The following MTHFD1L variants were observed in gnomAD, a reference collection of about 807,000 sequenced individuals.
MTHFD1L encodes the protein monofunctional C1-tetrahydrofolate synthase, mitochondrial.
In MTHFD1L, 81 loss-of-function variants were observed where a neutral mutation model predicts 119.5. The observed-to-expected ratio is 0.68, with a 90% confidence interval of 0.57 to 0.82. The LOEUF is 0.82. Among genes scored for constraint, MTHFD1L ranks in the 40% least tolerant of loss-of-function variants. The pLI, the probability that MTHFD1L is intolerant of heterozygous loss-of-function variation, is 0.00. For missense variants in MTHFD1L, 1,125 were observed against 1,253.4 expected (o/e 0.90, Z 1.55); for synonymous variants, 430 against 475.2 (o/e 0.90, Z 1.24).
intron 24 of MTHFD1L, among the ~76,000 whole-genome samples, chr6:151,020,807 G>C (rs1234761274): frequency 6.6e-6 from 1 of 151,960 alleles, no homozygotes; most frequent in Non-Finnish European, 1.5e-5. Flanking sequence ...TATCTTTATC[G>C]TTCACTAAGA....
intron 24 of MTHFD1L, among the ~76,000 whole-genome samples, chr6:151,027,382 C>T (rs1252798723): frequency 6.6e-6 from 1 of 152,114 alleles, no homozygotes; most frequent in Non-Finnish European, 1.5e-5. Context: ...AAAGGACTTG[C>T]CATAGGTGGT....
chr6:150,961,089 C>CTTTTTT (rs35978918), intron 18 of MTHFD1L, among the ~76,000 whole-genome samples: 6 of 113,404 alleles, frequency 5.3e-5, no homozygotes, highest in Non-Finnish European at 5.4e-5. Context: ...TTCCTGTTAA[C>CTTTTTT]TTTTTTTTTT....
At chr6:151,065,953 G>A (rs1384142573) in intron 26 of MTHFD1L, among the ~76,000 whole-genome samples, 2 of 152,218 alleles carry the variant, frequency 1.3e-5, no homozygotes, top group African/African-American at 4.8e-5. Context: ...AATTGCAGGT[G>A]TATGTTGGAG....
At chr6:150,928,263 G>A (rs1305037547) in intron 11 of MTHFD1L, among the ~76,000 whole-genome samples, 4 of 151,556 alleles carry the variant, frequency 2.6e-5, no homozygotes, top group South Asian at 4.2e-4. Flanking sequence ...GTGAAACCCC[G>A]TCTCTACTAA....
intron 4 of MTHFD1L, among the ~76,000 whole-genome samples, chr6:150,881,047 C>T (rs1286542193): frequency 6.6e-6 from 1 of 152,090 alleles, no homozygotes; most frequent in Non-Finnish European, 1.5e-5. Context: ...GTTGTCTCTG[C>T]TTTGTTGATT....
intron 20 of MTHFD1L, among the ~76,000 whole-genome samples, chr6:151,003,939 G>C (rs568115765): frequency 1.3e-5 from 2 of 150,524 alleles, no homozygotes; most frequent in East Asian, 3.9e-4. Context: ...TTCCCACATA[G>C]CTGTAGGGTT....
intron 1 of MTHFD1L, chr6:150,866,562 C>A: frequency 8.1e-7 from 1 of 1,232,456 alleles, no homozygotes; most frequent in Non-Finnish European, 1.0e-6. Context: ...GTGTTGTGCG[C>A]CCTTCCCCGC....
chr6:150,927,549 C>T (rs923051001), intron 11 of MTHFD1L, among the ~76,000 whole-genome samples: 3 of 151,132 alleles, frequency 2.0e-5, no homozygotes, highest in Non-Finnish European at 2.9e-5. Flanking sequence ...CTCTGCCTCC[C>T]GGGTTCAAGC....
chr6:150,950,093 G>T (rs892319866), intron 16 of MTHFD1L, among the ~76,000 whole-genome samples: 2 of 152,098 alleles, frequency 1.3e-5, no homozygotes, highest in African/African-American at 4.8e-5. Context: ...TCTTGCTTCC[G>T]TTTCCATCCC....
intron 26 of MTHFD1L, among the ~76,000 whole-genome samples, chr6:151,059,067 T>C (rs1790331556): frequency 6.6e-6 from 1 of 152,108 alleles, no homozygotes; most frequent in South Asian, 2.1e-4. Flanking sequence ...GTAAGCGCGC[T>C]GAAGGAGTCG....
Position 151,009,936 on chromosome 6 carries a change from A to G in MTHFD1L, c.2243A>G (p.Lys748Arg), listed in dbSNP as rs1294497987. 1 of 1,610,376 alleles carries G rather than the reference A, an allele frequency of 6.2e-7. No homozygotes were observed. The highest frequency in any genetic ancestry group is 8.5e-7 in the Non-Finnish European group (1 of 1,178,626). Reference sequence around the variant, plus strand: ...TTAGTGGCAACGGTGCGAGCTCTGAAGATGCATGGAGGCGGGCCAAGTGTA... The same window carrying G: ...TTAGTGGCAACGGTGCGAGCTCTGAGGATGCATGGAGGCGGGCCAAGTGTA... ...VVLVATVRAL[K>R]MHGGGPSVTA... The change falls in exon 21 of 28, where the codon AAG (lysine) becomes AGG (arginine). Residue 748 changes from lysine to arginine, a missense_variant. Physicochemically the swap from Lys to Arg is conservative, Grantham distance 26. Transcript: ENST00000367321.
At chr6:150,957,467 G>C (rs1278092528) in intron 17 of MTHFD1L, among the ~76,000 whole-genome samples, 1 of 152,066 alleles carries the variant, frequency 6.6e-6, no homozygotes. Flanking sequence ...ACTAAAATTT[G>C]AAATGACCCA....
intron 11 of MTHFD1L, among the ~76,000 whole-genome samples, chr6:150,932,868 A>G (rs966153916): frequency 7.5e-6 from 1 of 133,710 alleles, no homozygotes; most frequent in Admixed American, 7.5e-5. Context: ...AGATTACCTT[A>G]AGGAAAGAAG....
intron 26 of MTHFD1L, among the ~76,000 whole-genome samples, chr6:151,084,751 G>C (rs942077104): frequency 1.3e-5 from 2 of 151,566 alleles, no homozygotes; most frequent in Non-Finnish European, 2.9e-5. Context: ...AGATCACGAG[G>C]TCAGGAGATC....
intron 20 of MTHFD1L, among the ~76,000 whole-genome samples, chr6:150,981,075 TAC>T (rs1777421601): frequency 6.6e-6 from 1 of 152,022 alleles, no homozygotes; most frequent in East Asian, 1.9e-4. Context: ...GAAAAAAAAA[TAC>T]ATATGAATTC....
chr6:150,982,326 T>G (rs1777627480), intron 20 of MTHFD1L, among the ~76,000 whole-genome samples: 1 of 152,198 alleles, frequency 6.6e-6, no homozygotes, highest in South Asian at 2.1e-4. Flanking sequence ...CTTGATATTT[T>G]TGTGCAACAT....
At chr6:151,099,675 G>C (rs1457376576) in intron 27 of MTHFD1L, 2 of 1,606,674 alleles carry the variant, frequency 1.2e-6, no homozygotes, top group African/African-American at 1.3e-5. Flanking sequence ...GAAGATTCAG[G>C]GTCCAGATCT....
chr6:151,061,646 G>C (rs1272448040), intron 26 of MTHFD1L, among the ~76,000 whole-genome samples: 2 of 152,194 alleles, frequency 1.3e-5, no homozygotes, highest in African/African-American at 4.8e-5. Flanking sequence ...CCACTGCACA[G>C]TTCCGTATTG....
chr6:151,000,795 A>G (rs942902678), intron 20 of MTHFD1L, among the ~76,000 whole-genome samples: 15 of 152,206 alleles, frequency 9.9e-5, no homozygotes, highest in African/African-American at 3.6e-4. Flanking sequence ...TATAGGGCAG[A>G]AAAAGGCAGC....
Sources: allele counts gnomAD v4.1 joint callset (sites outside exome capture counted in the v4.1 genomes callset), GRCh38; gene constraint gnomAD v4.1.1; transcripts MANE v1.5; gene names NCBI Gene and HGNC (gene_info 2026-07-23, HGNC 2026-07-21).